APBA1: variants seen among roughly 807,000 people sequenced by gnomAD.
APBA1 encodes the protein amyloid beta precursor protein binding family A member 1.
A neutral mutation model predicts 86.6 loss-of-function variants in APBA1; 55 were observed. The ratio of observed to expected loss-of-function variants is 0.64; its 90% CI spans 0.51 to 0.80. APBA1 has a LOEUF of 0.80. Among genes scored for constraint, APBA1 ranks in the 30% least tolerant of loss-of-function variants. The pLI, the probability that APBA1 is intolerant of heterozygous loss-of-function variation, is 0.00. For missense variants in APBA1, 1,090 were observed against 1,183.0 expected (o/e 0.92, Z 1.15); for synonymous variants, 511 against 493.9 (o/e 1.03, Z -0.46).
In APBA1 at chr9:69,541,554, T is replaced by G. The variant is rs574422017; in HGVS notation, c.-69-24275A>C. ...ATTTGCTCTCTTTTTTGCATTTTTT[T>G]TTTTTTTTGGTTTCTTGCTGTGGAG... On this transcript the variant is annotated intron_variant, in intron 1 of 12. Coordinates refer to ENST00000265381, the MANE Select transcript of APBA1 (RefSeq NM_001163.4). Among the ~76,000 whole-genome samples, 471 of 152,130 alleles carry G rather than the reference T, an allele frequency of 3.1e-3. 4 individuals carry two copies. Among genetic ancestry groups the G allele is most frequent in the African/African-American group, 0.011 (444 of 41,524 alleles).
chr9:69,452,242 G>A lies in APBA1; in HGVS notation c.1848C>T (p.Leu616=), dbSNP rs774332369. The A allele has an allele frequency of 1.9e-6, 3 of 1,614,238 alleles. No homozygotes were observed. Among genetic ancestry groups the A allele is most frequent in the Admixed American group, 1.7e-5 (1 of 60,030 alleles). The change falls in exon 9 of 13, where the codon CTC becomes CTT. Residue 616 remains leucine (L), a synonymous_variant. Transcript: ENST00000265381. ...CTTCGGGGTTAATCCCATTGGCCCT[G>A]AGGAATTCCTGGTATGCCACGCTAA... ...QAFSVAYQEF[L]RANGINPEDL...
intron 1 of APBA1, among the ~76,000 whole-genome samples, chr9:69,561,547 A>G (rs1270625994): frequency 1.3e-5 from 2 of 152,192 alleles, no homozygotes; most frequent in African/African-American, 4.8e-5. Flanking sequence ...AACATCTGTT[A>G]GAGTTCAGAA....
intron 1 of APBA1, among the ~76,000 whole-genome samples, chr9:69,534,788 A>G (rs1836483946): frequency 6.6e-6 from 1 of 152,034 alleles, no homozygotes; most frequent in South Asian, 2.1e-4. Flanking sequence ...TACTTCCATA[A>G]CTCTATACGA....
At chr9:69,439,589 G>A (rs1422549532) in intron 11 of APBA1, among the ~76,000 whole-genome samples, 1 of 152,088 alleles carries the variant, frequency 6.6e-6, no homozygotes, top group African/African-American at 2.4e-5. Context: ...GGTTACTGAG[G>A]CTTGTGCATT....
chr9:69,497,366 C>T (rs565440283), intron 2 of APBA1, among the ~76,000 whole-genome samples: 19 of 152,114 alleles, frequency 1.2e-4, no homozygotes, highest in Non-Finnish European at 2.4e-4. Context: ...CACCAAGACC[C>T]CTTAACTCTG....
chr9:69,525,279 G>A (rs973498063), intron 1 of APBA1, among the ~76,000 whole-genome samples: 5 of 152,110 alleles, frequency 3.3e-5, no homozygotes, highest in African/African-American at 1.2e-4. Flanking sequence ...AGGGAAAGAA[G>A]AAGTCAAAAC....
chr9:69,516,717 T>G lies in APBA1; in HGVS notation c.494A>C (p.Tyr165Ser). Residue 165 changes from tyrosine (Y) to serine (S), a missense_variant, in exon 2 of 13, where the codon TAC (tyrosine) becomes TCC (serine). Physicochemically the swap from Tyr to Ser is moderately radical, Grantham distance 144. Transcript: ENST00000265381. The surrounding 1 kb of genome is among the most constrained non-coding windows in gnomAD (Gnocchi z 7.3). ...CCGGTGCGTGTAGACGTAGCCTGAG[T>G]AGGCCGCATTCATGGCTTCCTCGTG... Reference protein sequence around the residue: ...LEHEEAMNAAYSGYVYTHRLF... With the variant: ...LEHEEAMNAASSGYVYTHRLF... 2 of 1,611,340 alleles carry G rather than the reference T, an allele frequency of 1.2e-6. No individual in the cohort carries two copies. Among genetic ancestry groups the G allele is most frequent in the Non-Finnish European group, 1.7e-6 (2 of 1,179,206 alleles).
intron 10 of APBA1, among the ~76,000 whole-genome samples, chr9:69,441,320 A>T (rs1313273617): frequency 6.6e-6 from 1 of 152,200 alleles, no homozygotes. Context: ...CATGTTGCAG[A>T]TGGAGCCCTC....
intron 1 of APBA1, among the ~76,000 whole-genome samples, chr9:69,634,597 A>G (rs1311416637): frequency 6.6e-6 from 1 of 152,188 alleles, no homozygotes. Flanking sequence ...ACCTAGAGAA[A>G]GATATCAATA....
At chr9:69,544,108 T>C (rs1836660207) in intron 1 of APBA1, among the ~76,000 whole-genome samples, 2 of 152,188 alleles carry the variant, frequency 1.3e-5, no homozygotes, top group Non-Finnish European at 2.9e-5. Flanking sequence ...TCTTTTTTGT[T>C]ATTATTATTT....
chr9:69,559,889 C>G (rs1369876140), intron 1 of APBA1, among the ~76,000 whole-genome samples: 1 of 152,102 alleles, frequency 6.6e-6, no homozygotes, highest in Non-Finnish European at 1.5e-5. Flanking sequence ...TTCATCAATC[C>G]AACATACATC....
At chr9:69,552,605 G>T (rs570085599) in intron 1 of APBA1, among the ~76,000 whole-genome samples, 2 of 152,330 alleles carry the variant, frequency 1.3e-5, no homozygotes, top group South Asian at 2.1e-4. Context: ...ATTCAACACA[G>T]ATACGCTGTC....
chr9:69,524,903 C>CT lies in APBA1; in HGVS notation c.-69-7625dup, dbSNP rs1166882514. ...ATCCTTGATCAAGTAGGCTTCATTGCTGGGATGCAAGGTTGGTTCAACATA... is the reference window on the plus strand; with the variant it reads ...ATCCTTGATCAAGTAGGCTTCATTGCTTGGGATGCAAGGTTGGTTCAACATA... On this transcript the variant is annotated intron_variant, in intron 1 of 12. Coordinates refer to ENST00000265381, the MANE Select transcript of APBA1 (RefSeq NM_001163.4). Among the ~76,000 whole-genome samples, 4 of 152,302 alleles carry CT rather than the reference C, an allele frequency of 2.6e-5. No homozygotes were observed. The East Asian group carries it at 7.7e-4, about 29-fold the overall frequency.
chr9:69,626,415 C>T (rs1056801418), intron 1 of APBA1, among the ~76,000 whole-genome samples: 1 of 151,968 alleles, frequency 6.6e-6, no homozygotes, highest in African/African-American at 2.4e-5. Flanking sequence ...ATATAAAAGC[C>T]AACGGGGGAA....
chr9:69,578,470 C>T (rs879273944), intron 1 of APBA1, among the ~76,000 whole-genome samples: 7 of 152,212 alleles, frequency 4.6e-5, no homozygotes, highest in Admixed American at 2.6e-4. Context: ...TCACTCATTT[C>T]TCCTCTCTAA....
At chr9:69,473,722 T>C (rs1487557663) in intron 3 of APBA1, among the ~76,000 whole-genome samples, 1 of 152,004 alleles carries the variant, frequency 6.6e-6, no homozygotes. Context: ...TTGAAAAAAA[T>C]AATTTGGCAA....
At chr9:69,440,266 G>C (rs1486840536) in intron 11 of APBA1, among the ~76,000 whole-genome samples, 8 of 152,214 alleles carry the variant, frequency 5.3e-5, no homozygotes, top group Non-Finnish European at 4.4e-5. Flanking sequence ...CCCATTCTCA[G>C]ATCTCAAGCT....
intron 1 of APBA1, among the ~76,000 whole-genome samples, chr9:69,661,212 C>A (rs914856281): frequency 6.6e-6 from 1 of 152,080 alleles, no homozygotes; most frequent in African/African-American, 2.4e-5. Context: ...GACCATATGG[C>A]CCACAAAACC....
intron 1 of APBA1, among the ~76,000 whole-genome samples, chr9:69,637,230 G>A (rs1480251963): frequency 6.6e-6 from 1 of 152,128 alleles, no homozygotes; most frequent in African/African-American, 2.4e-5. Flanking sequence ...GGAAGGGTTG[G>A]GGAGGATGAA....
Sources: allele counts gnomAD v4.1 joint callset (sites outside exome capture counted in the v4.1 genomes callset), GRCh38; gene constraint gnomAD v4.1.1; non-coding constraint Gnocchi (gnomAD v3.1); transcripts MANE v1.5; gene names NCBI Gene and HGNC (gene_info 2026-07-23, HGNC 2026-07-21).